Variants in MYO5B observed in about 807,000 individuals in gnomAD.
The protein encoded by MYO5B is unconventional myosin-Vb.
In MYO5B, 143 loss-of-function variants were observed where a neutral mutation model predicts 229.3. That is an observed-to-expected ratio of 0.62 (90% CI 0.54 to 0.72). MYO5B has a LOEUF of 0.72. Among genes scored for constraint, MYO5B ranks in the 30% least tolerant of loss-of-function variants. The pLI is 0.00. For synonymous variants in MYO5B, 918 were observed against 885.2 expected, an observed-to-expected ratio of 1.04 and a Z score of -0.66; for missense variants, 2,321 against 2,331.0, an observed-to-expected ratio of 1.00 and a Z score of 0.09.
intron 27 of MYO5B, among the ~76,000 whole-genome samples, chr18:49,868,161 C>T (rs1455450812): frequency 6.6e-6 from 1 of 151,806 alleles, no homozygotes; most frequent in Non-Finnish European, 1.5e-5. Flanking sequence ...AATAAATATC[C>T]AAATAATATC....
chr18:49,897,852 G>T (rs547690710), intron 21 of MYO5B, among the ~76,000 whole-genome samples: 70 of 152,300 alleles, frequency 4.6e-4, no homozygotes, highest in Non-Finnish European at 9.0e-4. Flanking sequence ...AAAGTCTACA[G>T]GAGTGGAAAG....
chr18:49,865,218 G>T (rs914468588), intron 27 of MYO5B, among the ~76,000 whole-genome samples: 14 of 152,152 alleles, frequency 9.2e-5, no homozygotes, highest in Non-Finnish European at 1.9e-4. Flanking sequence ...CTCTTGATTT[G>T]CTGAGTGAGG....
intron 4 of MYO5B, among the ~76,000 whole-genome samples, chr18:50,019,765 G>A (rs1002577259): frequency 2.0e-5 from 3 of 152,178 alleles, no homozygotes; most frequent in African/African-American, 4.8e-5. Context: ...GCAGGGCCCA[G>A]GAGGAAGTCC....
chr18:50,115,537 CACACAG>C (rs1355918653), intron 1 of MYO5B, among the ~76,000 whole-genome samples: 1 of 66,464 alleles, frequency 1.5e-5, no homozygotes, highest in Non-Finnish European at 3.3e-5. Flanking sequence ...CACACACACA[CACACAG>C]AGAGACACAC....
chr18:49,836,607 G>A, intron 38 of MYO5B, 104 bp downstream of exon 38: 1 of 1,325,492 alleles, frequency 7.5e-7, no homozygotes, highest in South Asian at 1.2e-5. Flanking sequence ...TATATAAAGG[G>A]TGGGAGTGCA....
chr18:50,167,037 A>T (rs1445698743), intron 1 of MYO5B, among the ~76,000 whole-genome samples: 2 of 152,234 alleles, frequency 1.3e-5, no homozygotes, highest in Admixed American at 6.5e-5. Flanking sequence ...CCTGGAAAGG[A>T]TATTAAAGAT....
intron 4 of MYO5B, among the ~76,000 whole-genome samples, chr18:50,033,614 T>C (rs2026414875): frequency 6.6e-6 from 1 of 152,014 alleles, no homozygotes; most frequent in African/African-American, 2.4e-5. Flanking sequence ...CTGAGGAAGG[T>C]AAAAATGAGT....
intron 14 of MYO5B, among the ~76,000 whole-genome samples, chr18:49,948,224 C>T (rs1335409758): frequency 6.6e-6 from 1 of 152,118 alleles, no homozygotes; most frequent in Non-Finnish European, 1.5e-5. Context: ...GGTGTCTCTT[C>T]CCCAGAATCT....
chr18:49,848,980 G>A (rs1208749625), intron 32 of MYO5B, among the ~76,000 whole-genome samples: 8 of 152,008 alleles, frequency 5.3e-5, no homozygotes, highest in Non-Finnish European at 1.2e-4. Flanking sequence ...TGTGGCTCCT[G>A]AGCTGAGGGT....
In MYO5B at chr18:49,847,279, T is replaced by C. The variant is rs1287055207; in HGVS notation, c.4326A>G (p.Ala1442=). 6.2e-7 allele frequency: 1 copy of C among 1,613,362 alleles called. No individual in the cohort carries two copies. The highest frequency in any genetic ancestry group is 1.1e-5 in the South Asian group (1 of 91,046). The change falls in exon 33 of 40, where the codon GCA becomes GCG. Residue 1442 remains alanine (A), a synonymous_variant. Transcript: ENST00000285039. ...GGCGCTTCCTCTCACTCTGGGCCAA[T>C]GCCTGGGCAGCTGAGCAGGAAAGAA... is the stretch of plus-strand genomic sequence containing the variant. ...KKAQDLEAAQ[A]LAQSERKRHE...
At chr18:50,113,084 G>C (rs1322740575) in intron 1 of MYO5B, among the ~76,000 whole-genome samples, 2 of 152,168 alleles carry the variant, frequency 1.3e-5, no homozygotes, top group African/African-American at 4.8e-5. Context: ...CCTGTTTCAA[G>C]TGTGCCTCAA....
intron 1 of MYO5B, among the ~76,000 whole-genome samples, chr18:50,163,142 G>A (rs1450470309): frequency 1.3e-5 from 2 of 152,204 alleles, no homozygotes; most frequent in African/African-American, 4.8e-5. Flanking sequence ...GATGATTCAT[G>A]ACCTCATGTA....
chr18:50,051,443 T>A lies in MYO5B; in HGVS notation c.138+3825A>T, dbSNP rs140168808. Among the ~76,000 whole-genome samples the A allele has an allele frequency of 2.2e-3, 330 of 152,216 alleles. 1 individual carries two copies. Among genetic ancestry groups the A allele is most frequent in the African/African-American group, 7.4e-3 (308 of 41,526 alleles). On this transcript the variant is annotated intron_variant, in intron 2 of 39. Coordinates refer to ENST00000285039, the MANE Select transcript of MYO5B (RefSeq NM_001080467.3). ...AAAATGAAATTTAAATTAAAAACCA[T>A]GGAAACAAGGAGAGTTTTCCCTGAC...
At chr18:50,013,868 C>G (rs1293719617) in intron 4 of MYO5B, among the ~76,000 whole-genome samples, 1 of 152,122 alleles carries the variant, frequency 6.6e-6, no homozygotes, top group Non-Finnish European at 1.5e-5. Flanking sequence ...CCTGGCAGGA[C>G]CCAGTGCTGC....
At chr18:49,882,595 T>A (rs1476815895) in intron 22 of MYO5B, among the ~76,000 whole-genome samples, 4 of 123,908 alleles carry the variant, frequency 3.2e-5, no homozygotes, top group Non-Finnish European at 6.4e-5. Flanking sequence ...GCCACAGCAC[T>A]CCAGCCTGGC....
chr18:50,007,127 C>T (rs2026110149), intron 4 of MYO5B, among the ~76,000 whole-genome samples: 1 of 152,178 alleles, frequency 6.6e-6, no homozygotes, highest in African/African-American at 2.4e-5. Context: ...TCAGTTCGCA[C>T]ATCACTAAAT....
At chr18:49,906,241 G>A (rs2024897643) in intron 19 of MYO5B, among the ~76,000 whole-genome samples, 178 bp downstream of exon 19, 1 of 152,186 alleles carries the variant, frequency 6.6e-6, no homozygotes, top group Non-Finnish European at 1.5e-5. Flanking sequence ...CCCCTGAGGT[G>A]AGAAGGCATT....
At chr18:49,995,256 C>CA (rs2025975014) in intron 5 of MYO5B, among the ~76,000 whole-genome samples, 1 of 43,234 alleles carries the variant, frequency 2.3e-5, no homozygotes, top group Non-Finnish European at 4.8e-5. Flanking sequence ...TCACTTATAT[C>CA]CTTTTTTTTT....
chr18:49,893,410 G>A (rs2024738715), intron 22 of MYO5B, among the ~76,000 whole-genome samples: 1 of 152,170 alleles, frequency 6.6e-6, no homozygotes, highest in East Asian at 1.9e-4. Context: ...CCATTCATCT[G>A]CTCCCAAGGG....
Sources: gnomAD v4.1 joint callset for allele counts (sites outside exome capture counted in the v4.1 genomes callset) on GRCh38, gnomAD v4.1.1 for gene constraint, MANE v1.5 for transcripts, NCBI Gene and HGNC (gene_info 2026-07-23, HGNC 2026-07-21) for gene names.